Variants in FAM149A observed in about 807,000 individuals in gnomAD.
FAM149A encodes the protein family with sequence similarity 149 member A, also known as protein FAM149A.
In FAM149A, 71 loss-of-function variants were observed where a neutral mutation model predicts 78.2. The ratio of observed to expected loss-of-function variants is 0.91; its 90% CI spans 0.75 to 1.11. The LOEUF is 1.11. Among genes scored for constraint, FAM149A ranks in the 50% least tolerant of loss-of-function variants. The pLI is 0.00. For missense variants in FAM149A, 1,036 were observed against 971.0 expected (o/e 1.07, Z -0.89); for synonymous variants, 446 against 410.5 (o/e 1.09, Z -1.04).
intron 1 of FAM149A, chr4:186,125,490 C>A: frequency 2.7e-6 from 1 of 375,832 alleles, no homozygotes; most frequent in Non-Finnish European, 3.7e-6. Context: ...ATAGTCCGTC[C>A]GTCAGCCAGC....
At chr4:186,154,803 C>G (rs1401720822) in intron 6 of FAM149A, 165 bp downstream of exon 6, 1 of 985,206 alleles carries the variant, frequency 1.0e-6, no homozygotes, top group Non-Finnish European at 1.2e-6. Context: ...GATTCCTAGC[C>G]AGCGGTGCAC....
At chr4:186,152,144 G>A (rs1256277999) in intron 4 of FAM149A, 99 bp downstream of exon 4, 14 of 1,180,644 alleles carry the variant, frequency 1.2e-5, no homozygotes, top group Non-Finnish European at 1.6e-5. Flanking sequence ...GAAAGTGCCT[G>A]CCCAGTCAGA....
intron 13 of FAM149A, among the ~76,000 whole-genome samples, chr4:186,168,731 G>A (rs989687072): frequency 1.3e-5 from 2 of 152,200 alleles, no homozygotes; most frequent in African/African-American, 4.8e-5. Context: ...ATCATGGATG[G>A]GTGTATCAAG....
In FAM149A at chr4:186,144,289, G is replaced by C. The variant is rs973740860; in HGVS notation, c.567-4884G>C. Reference sequence around the variant, plus strand: ...GAGCACATGGTAACGCAAGCGGCAGGCATGCTCGGGGTGTGCAGGAGATGC... The same window carrying C: ...GAGCACATGGTAACGCAAGCGGCAGCCATGCTCGGGGTGTGCAGGAGATGC... On this transcript the variant is annotated intron_variant, in intron 1 of 13. Transcript: ENST00000389354. The surrounding 1 kb of genome is among the most constrained non-coding windows in gnomAD (Gnocchi z 4.2). 9 of 152,294 alleles carry C rather than the reference G, an allele frequency of 5.9e-5. No homozygotes were observed. The highest frequency in any genetic ancestry group is 4.6e-4 in the Admixed American group (7 of 15,278). The allele number at this position is 152,294 out of a possible 1,614,324, so 9.4% of individuals were successfully genotyped here.
chr4:186,166,226 TGA>T (rs753387974), intron 11 of FAM149A, among the ~76,000 whole-genome samples: 3 of 150,058 alleles, frequency 2.0e-5, no homozygotes, highest in African/African-American at 4.8e-5. Flanking sequence ...AAAGACATAG[TGA>T]GAGAAAAACC....
At chr4:186,162,501 T>C (rs1174679149) in intron 8 of FAM149A, among the ~76,000 whole-genome samples, 2 of 152,170 alleles carry the variant, frequency 1.3e-5, no homozygotes, top group East Asian at 1.9e-4. Context: ...GAAGCACGGC[T>C]CTGCTTCCCT....
At chr4:186,167,353 G>T in intron 13 of FAM149A, 91 bp downstream of exon 13, 1 of 1,240,270 alleles carries the variant, frequency 8.1e-7, no homozygotes. Flanking sequence ...ACCTTGATAA[G>T]CCTATTTTGC....
intron 13 of FAM149A, among the ~76,000 whole-genome samples, chr4:186,168,349 TTTTATTTA>T (rs1198592843): frequency 6.6e-6 from 1 of 152,150 alleles, no homozygotes. Context: ...CAGGTGTTGC[TTTTATTTA>T]TTTATTTATT....
intron 1 of FAM149A, chr4:186,107,402 G>A (rs944017718): frequency 6.6e-6 from 1 of 152,224 alleles, no homozygotes; most frequent in Non-Finnish European, 1.5e-5. Flanking sequence ...TATGGACAGT[G>A]AAGAAATTGA....
In FAM149A at chr4:186,165,397, G is replaced by A. The variant is rs1473059135; in HGVS notation, c.1943G>A (p.Arg648Lys). The A allele has an allele frequency of 1.3e-5, 21 of 1,614,070 alleles. No individual in the cohort carries two copies. Among genetic ancestry groups the A allele is most frequent in the Non-Finnish European group, 1.8e-5 (21 of 1,180,022 alleles). ...CCACTGGTTCAAACGTCACGGAGCA[G>A]GTTCCCCCCGCTAGTCACGGAGACC... The change falls in exon 11 of 14, where the codon AGG becomes AAG. Residue 648 changes from arginine to lysine, a missense_variant. Arg to Lys is a conservative substitution (Grantham distance 26). Around this residue, in one of 3 missense-constraint regions of FAM149A, gnomAD observed 716 missense variants for 711.8 expected, o/e 1.01. Transcript: ENST00000389354.
chr4:186,136,127 T>G (rs2099322579), intron 1 of FAM149A, among the ~76,000 whole-genome samples: 1 of 152,226 alleles, frequency 6.6e-6, no homozygotes, highest in Non-Finnish European at 1.5e-5. Flanking sequence ...CTGTGCTGTT[T>G]AAAAGAGTAA....
At position 186,136,964 on chromosome 4, in the gene FAM149A, T is replaced by TCTCTCTC. The variant is rs2099323207; in HGVS notation, c.567-12209_567-12208insCTCTCTC. On this transcript the variant is annotated intron_variant, in intron 1 of 13. Transcript: ENST00000389354. ...TCTCTCTCTCTCTCTCTCTCTCTCT[T>TCTCTCTC]TCTCTCTCTCTTTCTCTCTCTCTCT... Among the ~76,000 whole-genome samples the TCTCTCTC allele has an allele frequency of 2.2e-4, 21 of 97,094 alleles. 1 individual carries two copies. The highest frequency in any genetic ancestry group is 6.2e-4 in the African/African-American group (14 of 22,486). The allele number at this position is 97,094 out of a possible 152,430, so 63.7% of individuals were successfully genotyped here. A position where few individuals can be genotyped will look rare whatever the true frequency, so the allele number is the denominator to read the frequency against.
rs879639875 is a variant in FAM149A at position 186,111,912 on chromosome 4, G to T, written c.566+6270G>T. Among the ~76,000 whole-genome samples, 755 of 151,880 alleles carry T rather than the reference G, an allele frequency of 5.0e-3. 10 individuals are homozygous for T. The highest frequency in any genetic ancestry group is 4.6e-3 in the Non-Finnish European group (313 of 67,930). ...TTGCTTCCATATGAACTTTAAAGTA[G>T]TTTTTTCCAATTCTGTGAAGAAAGT... is the stretch of plus-strand genomic sequence containing the variant. On this transcript the variant is annotated intron_variant, in intron 1 of 13. Transcript: ENST00000389354.
chr4:186,131,367 C>G (rs767123215), intron 1 of FAM149A, among the ~76,000 whole-genome samples: 1 of 151,504 alleles, frequency 6.6e-6, no homozygotes, highest in Non-Finnish European at 1.5e-5. Context: ...AAGAGGAAGA[C>G]AGTTTCTCAC....
At chr4:186,171,522 A>G (rs1011768702) in intron 13 of FAM149A, among the ~76,000 whole-genome samples, 1 of 152,146 alleles carries the variant, frequency 6.6e-6, no homozygotes, top group Admixed American at 6.5e-5. Flanking sequence ...TAGAAAAAAA[A>G]AGGAGCCAAA....
chr4:186,134,453 C>A (rs1217212264), intron 1 of FAM149A, among the ~76,000 whole-genome samples: 1 of 152,128 alleles, frequency 6.6e-6, no homozygotes, highest in South Asian at 2.1e-4. Flanking sequence ...AGAAAGACAG[C>A]GAGAACACAG....
rs376769750 is a variant in FAM149A at position 186,158,743 on chromosome 4, G to A, written c.1575+1024G>A. The stretch of plus-strand genomic sequence containing the variant: ...AGGTACCCCCTGTGCCTATTCAGCC[G>A]TCCCTACTGCAGACTGGAGCACTCA... On this transcript the variant is annotated intron_variant, in intron 8 of 13. Coordinates refer to ENST00000389354, the MANE Select transcript of FAM149A (RefSeq NM_001367768.3). 5.0e-5 allele frequency: 54 copies of A among 1,082,984 alleles called. No individual in the cohort carries two copies. In the East Asian group the frequency reaches 7.6e-4, roughly 15 times the overall value. 67.1% of individuals were successfully genotyped at this position (1,082,984 alleles called of 1,614,324 possible).
intron 1 of FAM149A, chr4:186,146,644 T>C: frequency 1.4e-6 from 1 of 711,470 alleles, no homozygotes; most frequent in Middle Eastern, 7.1e-4. Flanking sequence ...GAGGAGGAGC[T>C]AGAAGCAGGA....
In FAM149A at chr4:186,125,504, C is replaced by G. The variant is rs74507004; in HGVS notation, c.566+19862C>G. On this transcript the variant is annotated intron_variant, in intron 1 of 13. Transcript: ENST00000389354. ...GATAGTCCGTCCGTCAGCCAGCCAGCAATCAGTGACATGGTACAGGGGTAG... is the reference window on the plus strand; with the variant it reads ...GATAGTCCGTCCGTCAGCCAGCCAGGAATCAGTGACATGGTACAGGGGTAG... 2,310 of 347,520 alleles carry G rather than the reference C, an allele frequency of 6.6e-3. 63 individuals are homozygous for G. The highest frequency in any genetic ancestry group is 0.048 in the African/African-American group (2,156 of 45,124). 21.5% of individuals were successfully genotyped at this position (347,520 alleles called of 1,614,324 possible).
Sources: gnomAD v4.1 joint callset for allele counts (sites outside exome capture counted in the v4.1 genomes callset) on GRCh38, gnomAD v4.1.1 for gene constraint, gnomAD v4.1.1 regional missense constraint, Gnocchi (gnomAD v3.1) non-coding constraint, MANE v1.5 for transcripts, NCBI Gene and HGNC (gene_info 2026-07-23, HGNC 2026-07-21) for gene names.